The following RTKN variants were observed in gnomAD, a reference collection of about 807,000 sequenced individuals.
RTKN encodes rhotekin.
Under a neutral mutation model 63.5 loss-of-function variants are expected in RTKN, and 49 were observed. That is an observed-to-expected ratio of 0.77 (90% CI 0.61 to 0.98). The LOEUF (loss-of-function observed/expected upper bound fraction) is 0.98, where lower values mean the gene tolerates loss of function less well. Among genes scored for constraint, RTKN ranks in the 50% least tolerant of loss-of-function variants. RTKN has a pLI of 0.00. For missense variants in RTKN, 685 were observed against 740.8 expected (o/e 0.92, Z 0.87); for synonymous variants, 295 against 290.4 (o/e 1.02, Z -0.16).
At chr2:74,430,132 A>G in intron 5 of RTKN, 95 bp from the exon 6 acceptor site, 6 of 1,522,520 alleles carry the variant, frequency 3.9e-6, no homozygotes, top group Non-Finnish European at 5.4e-6. Flanking sequence ...AGCTCCACAG[A>G]GAAGGCCAGG....
intron 1 of RTKN, among the ~76,000 whole-genome samples, chr2:74,437,240 C>G (rs751544157): frequency 3.9e-5 from 6 of 152,144 alleles, no homozygotes; most frequent in Non-Finnish European, 7.3e-5. Context: ...ATGGGAAAGT[C>G]TCATCTCTAC....
rs1354552259 is a variant in RTKN at position 74,427,255 on chromosome 2, C to A, written c.1274G>T (p.Cys425Phe). The change falls in exon 11 of 12, where the codon TGT (cysteine) becomes TTT (phenylalanine). Residue 425 changes from cysteine (C) to phenylalanine (F), a missense_variant. Coordinates refer to ENST00000272430, the MANE Select transcript of RTKN (RefSeq NM_001015055.2). The part of the protein sequence containing the change: ...FFDMSQWKQC[C>F]DEIMKIETPA... ...AGTTTCAATTTTCATGATTTCATCA[C>A]AGCACTGCTTCCATTGGCCTGGAAG... is the stretch of plus-strand genomic sequence containing the variant. 1.9e-6 allele frequency: 3 copies of A among 1,614,200 alleles called. No homozygotes were observed. The highest frequency in any genetic ancestry group is 2.7e-5 in the African/African-American group (2 of 75,056).
At chr2:74,430,189 A>T in intron 5 of RTKN, 63 bp downstream of exon 5, 1 of 1,552,274 alleles carries the variant, frequency 6.4e-7, no homozygotes, top group Non-Finnish European at 8.9e-7. Flanking sequence ...CTCCCCTGGA[A>T]CTCGCTCATC....
chr2:74,439,467 A>T (rs370187069), intron 1 of RTKN: 1 of 1,484,040 alleles, frequency 6.7e-7, no homozygotes, highest in Non-Finnish European at 9.4e-7. Flanking sequence ...TCTCCCCACC[A>T]TGCTGTAGCA....
rs1022729089 is a variant in RTKN, at chr2:74,436,226, G to C, written c.112-3560C>G. Reference sequence around the variant, plus strand: ...CAGCCCGCTCCATTGCGAGAGGCGCGCAGAGGCGCGCGAGGTCCAGAGAGC... The same window carrying C: ...CAGCCCGCTCCATTGCGAGAGGCGCCCAGAGGCGCGCGAGGTCCAGAGAGC... On this transcript the variant is annotated intron_variant, in intron 1 of 11. Transcript: ENST00000272430. This position sits in a 1 kb window ranked among gnomAD's most constrained non-coding sequence, Gnocchi z 4.3. Among the ~76,000 whole-genome samples, 2 of 152,216 alleles carry C rather than the reference G, an allele frequency of 1.3e-5. No individual in the cohort carries two copies. The highest frequency in any genetic ancestry group is 4.8e-5 in the African/African-American group (2 of 41,466).
rs192168257 is a variant in RTKN at position 74,427,951 on chromosome 2, A to C, written c.1086+317T>G. On this transcript the variant is annotated intron_variant, in intron 9 of 11. Transcript: ENST00000272430. ...AAGAAGGGCAATTGGACCTGGAGAG[A>C]AATGGGAAGTGGTAAAGTAGATATA... The C allele has an allele frequency of 7.6e-4, 374 of 494,548 alleles. 7 individuals are homozygous for C. In the East Asian group the frequency reaches 0.01, roughly 14 times the overall value. 30.6% of individuals were successfully genotyped at this position (494,548 alleles called of 1,614,324 possible).
chr2:74,438,790 C>T (rs1671193012), intron 1 of RTKN, among the ~76,000 whole-genome samples: 1 of 152,216 alleles, frequency 6.6e-6, no homozygotes, highest in South Asian at 2.1e-4. Flanking sequence ...TTCCCCTGAC[C>T]TCCACATCTA....
chr2:74,439,140 T>C (rs1255806136), intron 1 of RTKN, among the ~76,000 whole-genome samples: 3 of 152,154 alleles, frequency 2.0e-5, no homozygotes, highest in Admixed American at 6.5e-5. Flanking sequence ...AATACACGAA[T>C]AAACAGCACC....
chr2:74,438,468 C>A (rs955012509), intron 1 of RTKN, among the ~76,000 whole-genome samples: 1 of 152,206 alleles, frequency 6.6e-6, no homozygotes, highest in Admixed American at 6.5e-5. Flanking sequence ...CCTCAACTTC[C>A]CACCAGCCTA....
chr2:74,428,126 G>A lies in RTKN; in HGVS notation c.1086+142C>T, dbSNP rs1489811377. On this transcript the variant is annotated intron_variant, in intron 9 of 11. Transcript: ENST00000272430. The stretch of plus-strand genomic sequence containing the variant: ...GATGCTGTAGTTGGGGAAAATACGG[G>A]CCCCTGAAGCTGGATGTGGCACTGT... The A allele has an allele frequency of 3.9e-6, 4 of 1,015,416 alleles. No individual in the cohort carries two copies. In the East Asian group the frequency reaches 9.9e-5, roughly 25 times the overall value. The allele number at this position is 1,015,416 out of a possible 1,614,324, so 62.9% of individuals were successfully genotyped here.
intron 1 of RTKN, among the ~76,000 whole-genome samples, chr2:74,435,815 A>G (rs1461704736): frequency 6.6e-6 from 1 of 152,184 alleles, no homozygotes; most frequent in African/African-American, 2.4e-5. Flanking sequence ...CAAGTCTCTC[A>G]GACCCGAACA....
intron 6 of RTKN, 148 bp from the exon 7 acceptor site, chr2:74,429,090 G>A (rs938440992): frequency 5.0e-5 from 33 of 660,628 alleles, no homozygotes; most frequent in African/African-American, 3.4e-4. Context: ...AACATTTACC[G>A]AGCTCCAGCT....
At chr2:74,440,084 G>A (rs1671275666) in intron 1 of RTKN, 1 of 767,216 alleles carries the variant, frequency 1.3e-6, no homozygotes, top group African/African-American at 1.8e-5. Context: ...GGGCAGTGAG[G>A]GGCAGGCACA....
chr2:74,433,983 C>A (rs559077534), intron 1 of RTKN, among the ~76,000 whole-genome samples: 41 of 151,906 alleles, frequency 2.7e-4, no homozygotes, highest in African/African-American at 9.9e-4. Context: ...CACATACTAC[C>A]ATTTGTGCAT....
chr2:74,428,826 C>G (rs778014612), intron 7 of RTKN, 22 bp downstream of exon 7: 1 of 1,601,052 alleles, frequency 6.2e-7, no homozygotes. Context: ...TGTGTATGTC[C>G]CCCATGCACA....
At position 74,428,692 on chromosome 2, in the gene RTKN, C is replaced by A. The variant is rs376959473; in HGVS notation, c.896G>T (p.Arg299Leu). ...CATGCAGAGAGGCTGAGCTGCCAGA[C>A]GGCAACACACGCTACCATAAAGGGG... ...WLPLYGSVCC[R>L]LAAQPLCMTQ... The change falls in exon 8 of 12, where the codon CGT becomes CTT. Residue 299 changes from arginine (R) to leucine (L), a missense_variant. By Grantham distance (102) the Arg-to-Leu change is moderately radical (BLOSUM62 -2). Coordinates refer to ENST00000272430, the MANE Select transcript of RTKN (RefSeq NM_001015055.2). 1.2e-6 allele frequency: 2 copies of A among 1,614,050 alleles called. No homozygotes were observed. Among genetic ancestry groups the A allele is most frequent in the South Asian group, 1.1e-5 (1 of 91,044 alleles).
intron 1 of RTKN, among the ~76,000 whole-genome samples, chr2:74,434,790 T>A (rs894543289): frequency 2.0e-5 from 3 of 151,466 alleles, no homozygotes; most frequent in East Asian, 1.9e-4. Flanking sequence ...CTTTGGAGTT[T>A]AAAAAAAAAT....
At chr2:74,434,052 C>T (rs112916260) in intron 1 of RTKN, among the ~76,000 whole-genome samples, 1 of 151,522 alleles carries the variant, frequency 6.6e-6, no homozygotes, top group African/African-American at 2.4e-5. Flanking sequence ...CATGTTTATG[C>T]ATAAAATATT....
chr2:74,427,916 A>G (rs1027785211), intron 9 of RTKN: 1 of 483,362 alleles, frequency 2.1e-6, no homozygotes, highest in Non-Finnish European at 3.7e-6. Flanking sequence ...CATAAAAGGG[A>G]TAGGGAGCAA....
Sources: gnomAD v4.1 joint callset for allele counts (sites outside exome capture counted in the v4.1 genomes callset) on GRCh38, gnomAD v4.1.1 for gene constraint, Gnocchi (gnomAD v3.1) non-coding constraint, MANE v1.5 for transcripts, NCBI Gene and HGNC (gene_info 2026-07-23, HGNC 2026-07-21) for gene names.